C10orf90: variants seen among roughly 807,000 people sequenced by gnomAD.
The protein encoded by C10orf90 is (E2-independent) E3 ubiquitin-conjugating enzyme FATS.
Under a neutral mutation model 62.5 loss-of-function variants are expected in C10orf90, and 56 were observed. That is an observed-to-expected ratio of 0.90 (90% CI 0.72 to 1.12). The LOEUF (loss-of-function observed/expected upper bound fraction) is 1.12. Ranked by LOEUF, C10orf90 falls within the 50% of genes most tolerant of loss-of-function variation. The pLI is 0.00. For synonymous variants in C10orf90, 386 were observed against 340.4 expected, an observed-to-expected ratio of 1.13 and a Z score of -1.47; for missense variants, 970 against 880.4, an observed-to-expected ratio of 1.10 and a Z score of -1.29.
intron 2 of C10orf90, among the ~76,000 whole-genome samples, chr10:126,565,133 A>AATATTATATTACATATTATGT (rs1844319009): frequency 5.1e-4 from 11 of 21,702 alleles, no homozygotes; most frequent in Non-Finnish European, 9.7e-4. Flanking sequence ...TATATAATAT[A>AATATTATATTACATATTATGT]AATATAATAT....
intron 1 of C10orf90, among the ~76,000 whole-genome samples, chr10:126,655,666 CAATT>C (rs925524079): frequency 6.6e-6 from 1 of 152,242 alleles, no homozygotes; most frequent in African/African-American, 2.4e-5. Context: ...TACTTTCCCC[CAATT>C]AGAGTCCTGA....
intron 2 of C10orf90, among the ~76,000 whole-genome samples, chr10:126,574,498 T>C (rs777027800): frequency 3.9e-5 from 6 of 151,994 alleles, no homozygotes; most frequent in Non-Finnish European, 7.4e-5. Flanking sequence ...TCTCCAAACA[T>C]AATGCAAAAA....
chr10:126,621,405 C>T (rs1845641665), intron 2 of C10orf90, among the ~76,000 whole-genome samples: 1 of 152,120 alleles, frequency 6.6e-6, no homozygotes, highest in Admixed American at 6.5e-5. Flanking sequence ...TCGTTATTTG[C>T]TTTTTATTCG....
At chr10:126,472,975 C>T (rs1860662068) in intron 4 of C10orf90, among the ~76,000 whole-genome samples, 1 of 152,144 alleles carries the variant, frequency 6.6e-6, no homozygotes, top group Non-Finnish European at 1.5e-5. Context: ...TGGGTTTCTC[C>T]TGCTCCCTCA....
At chr10:126,541,332 A>C (rs948705913) in intron 2 of C10orf90, among the ~76,000 whole-genome samples, 1 of 152,190 alleles carries the variant, frequency 6.6e-6, no homozygotes, top group Non-Finnish European at 1.5e-5. Flanking sequence ...TGGATAAATA[A>C]AATTTTAAAA....
Position 126,588,589 on chromosome 10 carries a change from C to T in C10orf90, c.313+57976G>A, listed in dbSNP as rs1161454360. On this transcript the variant is annotated intron_variant, in intron 2 of 9. Transcript: ENST00000488181. ...TGTACCCTCAGCAAACCACAGCAGC[C>T]CTACAGAAGAGTGGCCTGACTATTA... Among the ~76,000 whole-genome samples, 6 of 152,046 alleles carry T rather than the reference C, an allele frequency of 3.9e-5. No individual in the cohort carries two copies. The East Asian group carries it at 1.2e-3, about 29-fold the overall frequency.
Position 126,456,892 on chromosome 10 carries a change from A to G in C10orf90, c.2188+2148T>C, listed in dbSNP as rs1738330707. Among the ~76,000 whole-genome samples, 1 of 152,184 alleles carries G rather than the reference A, an allele frequency of 6.6e-6. No individual in the cohort carries two copies. ...CGGGATTGACCACTGAGCCTCTAGA[A>G]AGTAACCAACCCTGTGGAAACCTCG... is the stretch of plus-strand genomic sequence containing the variant. On this transcript the variant is annotated intron_variant, in intron 7 of 9. Coordinates refer to ENST00000488181, the MANE Select transcript of C10orf90 (RefSeq NM_001350921.2). This position sits in a 1 kb window ranked among gnomAD's most constrained non-coding sequence, Gnocchi z 4.9.
At chr10:126,566,143 A>G (rs764518368) in intron 2 of C10orf90, among the ~76,000 whole-genome samples, 5 of 152,184 alleles carry the variant, frequency 3.3e-5, no homozygotes, top group Non-Finnish European at 5.9e-5. Flanking sequence ...ATAACCTTGG[A>G]TAAATTATTT....
At chr10:126,660,499 AG>A (rs1846488169) in intron 1 of C10orf90, among the ~76,000 whole-genome samples, 1 of 152,270 alleles carries the variant, frequency 6.6e-6, no homozygotes. Flanking sequence ...GCTAACAGCC[AG>A]TAAGAAAATG....
intron 2 of C10orf90, among the ~76,000 whole-genome samples, chr10:126,607,007 T>C (rs900545195): frequency 1.3e-5 from 2 of 152,192 alleles, no homozygotes; most frequent in African/African-American, 4.8e-5. Flanking sequence ...CCTTAAGAAC[T>C]GAAATTATTT....
At chr10:126,518,335 C>T (rs1863554511) in intron 2 of C10orf90, among the ~76,000 whole-genome samples, 1 of 152,170 alleles carries the variant, frequency 6.6e-6, no homozygotes, top group Admixed American at 6.5e-5. Context: ...CATTCCAGGA[C>T]ATTTGGCACA....
rs1490054360 is a variant in C10orf90, at chr10:126,646,564, C to T, written c.313+1G>A. 4.5e-6 allele frequency: 2 copies of T among 448,490 alleles called. No individual in the cohort carries two copies. Among genetic ancestry groups the T allele is most frequent in the African/African-American group, 4.0e-5 (2 of 49,668 alleles). 27.8% of individuals were successfully genotyped at this position (448,490 alleles called of 1,614,324 possible). A position where few individuals can be genotyped will look rare whatever the true frequency, so the allele number is the denominator to read the frequency against. ...TGCCTGGGCAGGCCCCAGTCCTTTA[C>T]CTGCATTGGAAAGACTTTCATTTCT... On this transcript the variant is annotated splice_donor_variant, in intron 2 of 9. Coordinates refer to ENST00000488181, the MANE Select transcript of C10orf90 (RefSeq NM_001350921.2). LOFTEE classifies it high-confidence loss of function.
chr10:126,486,304 G>T (rs900783774), intron 4 of C10orf90, among the ~76,000 whole-genome samples: 2 of 152,174 alleles, frequency 1.3e-5, no homozygotes, highest in African/African-American at 4.8e-5. Flanking sequence ...AGTAAGCCCA[G>T]CTGAGAGAAG....
intron 3 of C10orf90, 34 bp downstream of exon 3, chr10:126,513,814 G>A (rs1379827553): frequency 7.3e-7 from 1 of 1,369,270 alleles, no homozygotes; most frequent in Non-Finnish European, 1.0e-6. Flanking sequence ...GGTGCATTTT[G>A]CTGACTATTC....
chr10:126,505,156 G>A, intron 3 of C10orf90, 71 bp from the exon 4 acceptor site: 3 of 1,480,430 alleles, frequency 2.0e-6, no homozygotes, highest in South Asian at 2.7e-5. Context: ...CTCTTTCAAG[G>A]GCCACCAGGA....
At chr10:126,626,873 C>G (rs1342387073) in intron 2 of C10orf90, among the ~76,000 whole-genome samples, 1 of 152,136 alleles carries the variant, frequency 6.6e-6, no homozygotes, top group Non-Finnish European at 1.5e-5. Context: ...TCTGCAAGGA[C>G]AATTCATTCA....
intron 2 of C10orf90, among the ~76,000 whole-genome samples, chr10:126,527,056 T>C (rs1052103006): frequency 1.3e-5 from 2 of 152,166 alleles, no homozygotes; most frequent in African/African-American, 4.8e-5. Flanking sequence ...GATATATGTG[T>C]TCTATTCTTA....
chr10:126,472,822 A>G (rs1030735464), intron 4 of C10orf90, among the ~76,000 whole-genome samples: 1 of 151,780 alleles, frequency 6.6e-6, no homozygotes, highest in Admixed American at 6.6e-5. Flanking sequence ...GCAAGCATGC[A>G]TGTGTGTGTG....
chr10:126,514,837 G>A (rs778623554), intron 2 of C10orf90, among the ~76,000 whole-genome samples: 12 of 151,550 alleles, frequency 7.9e-5, no homozygotes, highest in Non-Finnish European at 1.3e-4. Flanking sequence ...ATGTAGAAAC[G>A]TGAACCAAAC....
Sources: allele counts gnomAD v4.1 joint callset (sites outside exome capture counted in the v4.1 genomes callset), GRCh38; gene constraint gnomAD v4.1.1; non-coding constraint Gnocchi (gnomAD v3.1); transcripts MANE v1.5; gene names NCBI Gene and HGNC (gene_info 2026-07-23, HGNC 2026-07-21).